The following VPS13B variants were observed in gnomAD, a reference collection of about 807,000 sequenced individuals.
VPS13B encodes the protein vacuolar protein sorting 13 homolog B, also known as intermembrane lipid transfer protein VPS13B.
In VPS13B, 285 loss-of-function variants were observed where a neutral mutation model predicts 426.4. That is an observed-to-expected ratio of 0.67 (90% confidence interval 0.61 to 0.74). VPS13B has a LOEUF of 0.74. VPS13B is among the 30% of genes least tolerant of loss of function. The probability of loss-of-function intolerance (pLI) is 0.00; values close to 1 mark genes in which losing one functional copy is unlikely to be tolerated. For synonymous variants in VPS13B, 1,676 were observed against 1,676.4 expected, an observed-to-expected ratio of 1.00 and a Z score of 0.01; for missense variants, 4,537 against 4,782.6, an observed-to-expected ratio of 0.95 and a Z score of 1.51.
At chr8:99,862,040 A>G in intron 58 of VPS13B, 94 bp downstream of exon 58, 1 of 1,410,512 alleles carries the variant, frequency 7.1e-7, no homozygotes, top group Non-Finnish European at 9.5e-7. Context: ...CTGCCTGGGA[A>G]TGACCAGGAA....
intron 16 of VPS13B, among the ~76,000 whole-genome samples, chr8:99,184,998 G>GA (rs1018303755): frequency 9.2e-5 from 14 of 151,702 alleles, no homozygotes; most frequent in Non-Finnish European, 1.0e-4. Flanking sequence ...TTGAAAAAAA[G>GA]AAAAAAAATG....
intron 19 of VPS13B, among the ~76,000 whole-genome samples, chr8:99,333,928 C>A (rs2133161950): frequency 6.6e-6 from 1 of 151,874 alleles, no homozygotes; most frequent in African/African-American, 2.4e-5. Flanking sequence ...AAATAGTATT[C>A]CATTGTATGG....
At chr8:99,835,787 T>G (rs994043807) in intron 54 of VPS13B, 49 bp downstream of exon 54, 2 of 1,596,346 alleles carry the variant, frequency 1.3e-6, no homozygotes, top group Admixed American at 1.7e-5. Context: ...AATGCCCTTT[T>G]CTGAGGTTTT....
chr8:99,022,993 CTTTTT>C (rs926868254), intron 2 of VPS13B, among the ~76,000 whole-genome samples: 4 of 144,436 alleles, frequency 2.8e-5, no homozygotes, highest in East Asian at 2.0e-4. Flanking sequence ...CTTTTCTTTT[CTTTTT>C]TTTTTTCTTT....
chr8:99,644,571 T>TG (rs916823542), intron 34 of VPS13B, among the ~76,000 whole-genome samples: 1 of 151,594 alleles, frequency 6.6e-6, no homozygotes, highest in Non-Finnish European at 1.5e-5. Flanking sequence ...AATATAGGGG[T>TG]GGGGGGTAAA....
chr8:99,498,659 A>G (rs961643839), intron 25 of VPS13B, among the ~76,000 whole-genome samples: 6 of 152,170 alleles, frequency 3.9e-5, no homozygotes, highest in African/African-American at 9.7e-5. Context: ...ACTTTAAACT[A>G]TGAGTAATTC....
intron 30 of VPS13B, chr8:99,528,072 AC>A (rs1326260704): frequency 6.6e-6 from 1 of 152,108 alleles, no homozygotes. Flanking sequence ...AATAATGAAA[AC>A]AAGTCTCAGA....
chr8:99,812,973 G>C (rs1238460899), intron 44 of VPS13B, among the ~76,000 whole-genome samples: 1 of 152,134 alleles, frequency 6.6e-6, no homozygotes, highest in Non-Finnish European at 1.5e-5. Flanking sequence ...GTGTATTAAA[G>C]AGAAACCGTG....
chr8:99,709,938 T>C (rs1038717465), intron 36 of VPS13B, among the ~76,000 whole-genome samples: 1 of 152,224 alleles, frequency 6.6e-6, no homozygotes, highest in Non-Finnish European at 1.5e-5. Context: ...ATATCAACTT[T>C]TCTGAAAGCC....
At chr8:99,263,448 A>G (rs1390425788) in intron 17 of VPS13B, among the ~76,000 whole-genome samples, 4 of 152,238 alleles carry the variant, frequency 2.6e-5, no homozygotes, top group African/African-American at 9.6e-5. Flanking sequence ...TACGTAGTTT[A>G]GAAGACTGAA....
intron 21 of VPS13B, among the ~76,000 whole-genome samples, chr8:99,396,853 T>C (rs1211313169): frequency 6.6e-6 from 1 of 152,142 alleles, no homozygotes; most frequent in Non-Finnish European, 1.5e-5. Flanking sequence ...CTACTGTTGG[T>C]ATATATTTTT....
Position 99,481,604 on chromosome 8 carries a change from G to C in VPS13B, c.3672G>C (p.Gln1224His). 9.9e-6 allele frequency: 16 copies of C among 1,613,644 alleles called. No homozygotes were observed. Among genetic ancestry groups the C allele is most frequent in the Non-Finnish European group, 1.4e-5 (16 of 1,179,812 alleles). Residue 1224 changes from glutamine to histidine, a missense_variant, in exon 25 of 62, where the codon CAG becomes CAC. Gln to His is a conservative substitution (Grantham distance 24, BLOSUM62 0). This residue lies in a region of VPS13B where 4,311 missense variants were observed against 4,474.3 expected (regional missense o/e 0.96). Coordinates refer to ENST00000357162, the MANE Select transcript of VPS13B (RefSeq NM_152564.5). ...CTTTTTTCTTATGCTCTCAGGTCCA[G>C]CTCTTCTATGAACTAACTGATATCA... The part of the protein sequence containing the change: ...LEIKCSNPQV[Q>H]LFYELTDIMN...
At chr8:99,255,848 A>AG (rs1482399971) in intron 17 of VPS13B, among the ~76,000 whole-genome samples, 1 of 152,054 alleles carries the variant, frequency 6.6e-6, no homozygotes, top group African/African-American at 2.4e-5. Context: ...TGTAAGAGGG[A>AG]GGGGCATAGT....
At chr8:99,206,423 G>A (rs1814726172) in intron 17 of VPS13B, among the ~76,000 whole-genome samples, 1 of 152,148 alleles carries the variant, frequency 6.6e-6, no homozygotes, top group Admixed American at 6.5e-5. Flanking sequence ...TCATAAAAAT[G>A]AAATTCAATA....
intron 33 of VPS13B, among the ~76,000 whole-genome samples, chr8:99,583,580 G>C (rs915878136): frequency 6.6e-6 from 1 of 152,012 alleles, no homozygotes; most frequent in African/African-American, 2.4e-5. Context: ...CTTCATTTTA[G>C]GCATAGAAAT....
At chr8:99,696,333 G>A in intron 35 of VPS13B, 1 of 259,896 alleles carries the variant, frequency 3.8e-6, no homozygotes, top group Non-Finnish European at 7.7e-6. Context: ...GGCAGAGGGA[G>A]CTGGATGAGC....
In VPS13B at chr8:99,853,802, A is replaced by C; in HGVS notation, c.10413A>C (p.Glu3471Asp). 1 of 1,614,268 alleles carries C rather than the reference A, an allele frequency of 6.2e-7. No homozygotes were observed. The highest frequency in any genetic ancestry group is 8.5e-7 in the Non-Finnish European group (1 of 1,180,048). Residue 3471 changes from glutamate to aspartate, a missense_variant, in exon 56 of 62, where the codon GAA (glutamate) becomes GAC (aspartate). By Grantham distance (45) the Glu-to-Asp change is conservative. Transcript: ENST00000357162. ...TCATATCCAACAAAGAGTTGGAAGA[A>C]TACAAGGAAAAATGTTTTATCAAAC... ...SLLISNKELE[E>D]YKEKCFIKLC...
chr8:99,325,153 G>A (rs57879149), intron 19 of VPS13B, among the ~76,000 whole-genome samples: 3,094 of 152,212 alleles, frequency 0.02, 115 homozygotes, highest in African/African-American at 0.071. Flanking sequence ...GTTCCAATAT[G>A]TTGAAGAGGT....
intron 33 of VPS13B, among the ~76,000 whole-genome samples, chr8:99,633,019 T>G (rs1383943047): frequency 6.6e-6 from 1 of 152,020 alleles, no homozygotes; most frequent in African/African-American, 2.4e-5. Flanking sequence ...TATCTGGCAA[T>G]GAAAACCAGC....
Sources: allele counts gnomAD v4.1 joint callset (sites outside exome capture counted in the v4.1 genomes callset), GRCh38; gene constraint gnomAD v4.1.1; regional missense constraint gnomAD v4.1.1; transcripts MANE v1.5; gene names NCBI Gene and HGNC (gene_info 2026-07-23, HGNC 2026-07-21).